Variants in FOCAD observed in about 807,000 individuals in gnomAD.
The protein encoded by FOCAD is KIAA1797.
FOCAD carries 198 observed loss-of-function variants against 225.6 expected under a neutral mutation model. That is an observed-to-expected ratio of 0.88 (90% CI 0.78 to 0.99). The LOEUF (loss-of-function observed/expected upper bound fraction) is 0.99, where lower values mean the gene tolerates loss of function less well. Among genes scored for constraint, FOCAD ranks in the 50% least tolerant of loss-of-function variants. FOCAD has a pLI of 0.00. For synonymous variants in FOCAD, 897 were observed against 755.0 expected (o/e 1.19, Z -3.08); for missense variants, 2,713 against 2,123.6 (o/e 1.28, Z -5.46).
intron 20 of FOCAD, among the ~76,000 whole-genome samples, chr9:20,884,440 G>C (rs993686232): frequency 6.6e-6 from 1 of 151,952 alleles, no homozygotes; most frequent in African/African-American, 2.4e-5. Flanking sequence ...GGGATTTCAG[G>C]TGTTCGCCAC....
At chr9:20,965,387 G>C (rs1415289017) in intron 35 of FOCAD, among the ~76,000 whole-genome samples, 1 of 152,168 alleles carries the variant, frequency 6.6e-6, no homozygotes, top group Non-Finnish European at 1.5e-5. Flanking sequence ...GTTTTTGGGA[G>C]TATCGAGAAC....
chr9:20,788,020 G>T (rs1442838916), intron 10 of FOCAD, among the ~76,000 whole-genome samples: 1 of 152,138 alleles, frequency 6.6e-6, no homozygotes, highest in African/African-American at 2.4e-5. Flanking sequence ...ATTTATAGGA[G>T]TGTTCATAGC....
chr9:20,910,031 G>A (rs1054987603), intron 22 of FOCAD, among the ~76,000 whole-genome samples: 1 of 152,096 alleles, frequency 6.6e-6, no homozygotes, highest in Non-Finnish European at 1.5e-5. Context: ...TAGGATGTAA[G>A]TCTGAGATCT....
intron 35 of FOCAD, among the ~76,000 whole-genome samples, chr9:20,975,372 G>A (rs564904619): frequency 2.6e-5 from 4 of 152,258 alleles, no homozygotes; most frequent in Admixed American, 2.6e-4. Context: ...TAGGCAGCTG[G>A]TTAACTGATG....
At chr9:20,906,741 T>C (rs956149968) in intron 21 of FOCAD, among the ~76,000 whole-genome samples, 1 of 152,112 alleles carries the variant, frequency 6.6e-6, no homozygotes, top group African/African-American at 2.4e-5. Context: ...AATGGTCATA[T>C]TGGAAATCCA....
chr9:20,869,348 T>A (rs988180007), intron 18 of FOCAD, among the ~76,000 whole-genome samples: 25 of 152,288 alleles, frequency 1.6e-4, no homozygotes, highest in South Asian at 4.1e-4. Context: ...CTAAAAAATA[T>A]ATATATATAA....
In FOCAD at chr9:20,820,263, G is replaced by A. The variant is rs1191587805; in HGVS notation, c.1561-61G>A. On this transcript the variant is annotated intron_variant, in intron 12 of 43. Transcript: ENST00000338382. ...AACAAGGGGTTTAAAAATGCTTTTG[G>A]TAACCTCGAGGTTGTCTGCATTCAA... The A allele has an allele frequency of 4.0e-6, 5 of 1,253,188 alleles. No homozygotes were observed. The South Asian group carries it at 6.9e-5, about 17-fold the overall frequency. The allele number at this position is 1,253,188 out of a possible 1,614,324, so 77.6% of individuals were successfully genotyped here. A position where few individuals can be genotyped will look rare whatever the true frequency, so the allele number is the denominator to read the frequency against.
intron 15 of FOCAD, among the ~76,000 whole-genome samples, chr9:20,851,236 G>A (rs909212311): frequency 6.7e-6 from 1 of 150,324 alleles, no homozygotes; most frequent in Non-Finnish European, 1.5e-5. Context: ...TGGGGTGGGG[G>A]GGTGTTATTA....
intron 35 of FOCAD, among the ~76,000 whole-genome samples, chr9:20,953,776 G>A (rs1837898486): frequency 6.6e-6 from 1 of 152,106 alleles, no homozygotes; most frequent in Admixed American, 6.5e-5. Context: ...TTTCATTGAT[G>A]GGTTTGCTAA....
chr9:20,725,137 A>T (rs1289392302), intron 4 of FOCAD, among the ~76,000 whole-genome samples: 1 of 152,194 alleles, frequency 6.6e-6, no homozygotes, highest in South Asian at 2.1e-4. Flanking sequence ...GCACTACTGC[A>T]CTCCAGCCTG....
At chr9:20,751,346 T>G (rs1239545369) in intron 5 of FOCAD, among the ~76,000 whole-genome samples, 1 of 120,578 alleles carries the variant, frequency 8.3e-6, no homozygotes, top group Non-Finnish European at 1.7e-5. Context: ...GAGTGTGATG[T>G]TCCCCTTCCT....
At chr9:20,677,635 C>A (rs1822274921) in intron 2 of FOCAD, among the ~76,000 whole-genome samples, 1 of 148,908 alleles carries the variant, frequency 6.7e-6, no homozygotes, top group African/African-American at 2.6e-5. Flanking sequence ...AATCATCATA[C>A]AAATTTAAAA....
At chr9:20,714,290 T>C (rs1458287593) in intron 1 of FOCAD, among the ~76,000 whole-genome samples, 1 of 152,224 alleles carries the variant, frequency 6.6e-6, no homozygotes, top group Non-Finnish European at 1.5e-5. Flanking sequence ...TTGAATTTTG[T>C]ATTTTCAGAT....
At chr9:20,815,430 C>G (rs963282622) in intron 11 of FOCAD, among the ~76,000 whole-genome samples, 2 of 151,796 alleles carry the variant, frequency 1.3e-5, no homozygotes, top group African/African-American at 4.8e-5. Flanking sequence ...CAGGCACGAG[C>G]CACTGCACCC....
intron 1 of FOCAD, among the ~76,000 whole-genome samples, chr9:20,689,950 C>T (rs562251859): frequency 6.6e-6 from 1 of 152,290 alleles, no homozygotes; most frequent in South Asian, 2.1e-4. Flanking sequence ...GGCCTATTTG[C>T]TTTGATGTAC....
intron 2 of FOCAD, among the ~76,000 whole-genome samples, chr9:20,664,698 C>T (rs1187591247): frequency 1.4e-5 from 2 of 143,934 alleles, no homozygotes; most frequent in Non-Finnish European, 3.0e-5. Flanking sequence ...AGGCTGGTTT[C>T]AAACTCCTGG....
intron 35 of FOCAD, among the ~76,000 whole-genome samples, chr9:20,955,609 A>G (rs1345306111): frequency 6.6e-6 from 1 of 150,514 alleles, no homozygotes; most frequent in East Asian, 2.0e-4. Context: ...ATTGTTCCTT[A>G]ATCTTTTGTC....
chr9:20,907,057 C>A, intron 21 of FOCAD, 93 bp from the exon 22 acceptor site: 1 of 985,524 alleles, frequency 1.0e-6, no homozygotes, highest in Non-Finnish European at 1.5e-6. Context: ...ATCTAAACCA[C>A]TTAAGGAAAA....
intron 19 of FOCAD, chr9:20,875,379 C>T (rs1453363185): frequency 6.6e-6 from 1 of 152,498 alleles, no homozygotes; most frequent in Non-Finnish European, 1.5e-5. Flanking sequence ...TGGCTCACGC[C>T]TGTAATCCCA....
Sources: allele counts gnomAD v4.1 joint callset (sites outside exome capture counted in the v4.1 genomes callset), GRCh38; gene constraint gnomAD v4.1.1; transcripts MANE v1.5; gene names NCBI Gene and HGNC (gene_info 2026-07-23, HGNC 2026-07-21).